TBC1D9B: variants seen among roughly 807,000 people sequenced by gnomAD.
TBC1D9B encodes the protein TBC1 domain family, member 9B (with GRAM domain).
A neutral mutation model predicts 121.1 loss-of-function variants in TBC1D9B; 87 were observed. The ratio of observed to expected loss-of-function variants is 0.72; its 90% CI spans 0.60 to 0.86. The LOEUF (loss-of-function observed/expected upper bound fraction) is 0.86, where lower values mean the gene tolerates loss of function less well. TBC1D9B is among the 40% of genes least tolerant of loss of function. TBC1D9B has a pLI of 0.00. For synonymous variants in TBC1D9B, 668 were observed against 670.1 expected (o/e 1.00, Z 0.05); for missense variants, 1,540 against 1,628.6 (o/e 0.95, Z 0.94).
In TBC1D9B at chr5:179,879,805, G is replaced by A. The variant is rs371232640; in HGVS notation, c.1255-16C>T. 1.2e-6 allele frequency: 2 copies of A among 1,600,468 alleles called. No homozygotes were observed. Among genetic ancestry groups the A allele is most frequent in the African/African-American group, 1.3e-5 (1 of 74,568 alleles). ...CTGGGGAAGACTAGAAAATAAAACA[G>A]GGAAGGGGACGCCCTAACAACTGTG... On this transcript the variant is annotated splice_polypyrimidine_tract_variant and intron_variant, in intron 7 of 20. Transcript: ENST00000355235.
chr5:179,893,180 G>T, intron 5 of TBC1D9B, 29 bp downstream of exon 5: 1 of 1,574,984 alleles, frequency 6.3e-7, no homozygotes. Context: ...GCTCACATGA[G>T]CCCACCCCAG....
rs781613172 is a variant in TBC1D9B, at chr5:179,876,026, G to A, written c.1794C>T (p.Ile598=). 15 of 1,612,366 alleles carry A rather than the reference G, an allele frequency of 9.3e-6. No homozygotes were observed. Among genetic ancestry groups the A allele is most frequent in the South Asian group, 5.5e-5 (5 of 90,752 alleles). Residue 598 remains isoleucine, a synonymous_variant, in exon 11 of 21, where the codon ATC becomes ATT. Transcript: ENST00000355235. ...CATAGAGCAGGAGCACCGAGGTCAC[G>A]ATGTTCATTGCCTGCCGGGCACAGA... ...PTIGYCQAMN[I]VTSVLLLYGS...
rs772582231 is a variant in TBC1D9B at position 179,875,157 on chromosome 5, T to G, written c.1931A>C (p.Glu644Ala). 6.2e-7 allele frequency: 1 copy of G among 1,613,628 alleles called. No homozygotes were observed. The highest frequency in any genetic ancestry group is 1.1e-5 in the South Asian group (1 of 91,080). ...CTGCGGCAGGAAGTCTCTCGTGAGC[T>G]CTTCGAAGATGCCTTGGTCCACCAG... ...GALVDQGIFEELTRDFLPQLS... is the reference protein window; with the variant it reads ...GALVDQGIFEALTRDFLPQLS... Residue 644 changes from glutamate to alanine, a missense_variant, in exon 12 of 21, where the codon GAG becomes GCG. Glu to Ala is a moderately radical substitution (Grantham distance 107, BLOSUM62 -1). Coordinates refer to ENST00000355235, the MANE Select transcript of TBC1D9B (RefSeq NM_015043.4). The surrounding 1 kb of genome is among the most constrained non-coding windows in gnomAD (Gnocchi z 4.5).
chr5:179,888,519 C>T (rs1173560930), intron 6 of TBC1D9B, among the ~76,000 whole-genome samples: 3 of 152,140 alleles, frequency 2.0e-5, no homozygotes, highest in African/African-American at 4.8e-5. Flanking sequence ...TTTTTCCTGT[C>T]GATGGCGGGG....
At position 179,904,185 on chromosome 5, in the gene TBC1D9B, C is replaced by T. The variant is rs933081434; in HGVS notation, c.229+517G>A. Among the ~76,000 whole-genome samples, 2 of 151,140 alleles carry T rather than the reference C, an allele frequency of 1.3e-5. No homozygotes were observed. The highest frequency in any genetic ancestry group is 4.9e-5 in the African/African-American group (2 of 40,944). On this transcript the variant is annotated intron_variant, in intron 2 of 20. Transcript: ENST00000355235. The surrounding 1 kb of genome is among the most constrained non-coding windows in gnomAD (Gnocchi z 4.2). Reference sequence around the variant, plus strand: ...GTACATGGGGATCCATGGGGCTGTCCTCTCCTGCCCTGTCCCCATGACCAG... The same window carrying T: ...GTACATGGGGATCCATGGGGCTGTCTTCTCCTGCCCTGTCCCCATGACCAG...
intron 7 of TBC1D9B, chr5:179,879,993 G>A (rs1333162676): frequency 2.5e-5 from 16 of 629,506 alleles, no homozygotes; most frequent in Admixed American, 2.1e-4. Context: ...GCTGGACACC[G>A]AGTCCTCAGT....
chr5:179,886,897 T>C (rs1040376810), intron 7 of TBC1D9B, among the ~76,000 whole-genome samples: 3 of 152,228 alleles, frequency 2.0e-5, no homozygotes, highest in Non-Finnish European at 4.4e-5. Context: ...CCAGGGACTC[T>C]CAGGGCTAGA....
chr5:179,869,856 G>GCTGGGT (rs1484166821), intron 16 of TBC1D9B, 22 bp from the exon 17 acceptor site: 1 of 1,532,572 alleles, frequency 6.5e-7, no homozygotes, highest in Middle Eastern at 1.8e-4. Context: ...GCCAGGGAGG[G>GCTGGGT]CTGGGTCTGG....
chr5:179,899,590 C>T (rs1761113624), intron 2 of TBC1D9B, among the ~76,000 whole-genome samples: 1 of 152,208 alleles, frequency 6.6e-6, no homozygotes, highest in Admixed American at 6.5e-5. Flanking sequence ...CACTAAGTCT[C>T]CTATGTGTCC....
intron 7 of TBC1D9B, 31 bp from the exon 8 acceptor site, chr5:179,879,820 T>C: frequency 6.3e-7 from 1 of 1,577,084 alleles, no homozygotes; most frequent in Non-Finnish European, 8.6e-7. Context: ...GGGGACGCCC[T>C]AACAACTGTG....
rs1761366862 is a variant in TBC1D9B, at chr5:179,907,773, T to A, written c.49A>T (p.Thr17Ser). 1 of 1,229,218 alleles carries A rather than the reference T, an allele frequency of 8.1e-7. No individual in the cohort carries two copies. Among genetic ancestry groups the A allele is most frequent in the Non-Finnish European group, 1.0e-6 (1 of 957,398 alleles). The allele number at this position is 1,229,218 out of a possible 1,614,324, so 76.1% of individuals were successfully genotyped here. A position where few individuals can be genotyped will look rare whatever the true frequency, so the allele number is the denominator to read the frequency against. The change falls in exon 1 of 21, where the codon ACG becomes TCG. Residue 17 changes from threonine to serine, a missense_variant. By Grantham distance (58) the Thr-to-Ser change is moderately conservative. Transcript: ENST00000355235. This position sits in a 1 kb window ranked among gnomAD's most constrained non-coding sequence, Gnocchi z 5.3. ...ACGAAGAAGGGGTTGGCCCGCTCCG[T>A]CACCCACAGCGCATTGGCCACCAGC... ...EVLVANALWV[T>S]ERANPFFVLQ...
At chr5:179,867,925 T>C in intron 17 of TBC1D9B, 76 bp from the exon 18 acceptor site, 1 of 1,400,992 alleles carries the variant, frequency 7.1e-7, no homozygotes, top group Admixed American at 2.7e-5. Context: ...CCTCCAGCCC[T>C]GGGCAGAGCC....
At chr5:179,888,374 T>C in intron 6 of TBC1D9B, 62 bp from the exon 7 acceptor site, 1 of 1,519,294 alleles carries the variant, frequency 6.6e-7, no homozygotes, top group African/African-American at 1.4e-5. Flanking sequence ...TGGGCATGCT[T>C]TGTGAATGGC....
Position 179,891,364 on chromosome 5 carries a change from C to G in TBC1D9B, c.1044+15G>C, listed in dbSNP as rs457072. Reference sequence around the variant, plus strand: ...GGCTGGAAAGGCCTTGGCCTCTCAACTAGGGGATGCTGACCTCCCTCAGGG... The same window carrying G: ...GGCTGGAAAGGCCTTGGCCTCTCAAGTAGGGGATGCTGACCTCCCTCAGGG... On this transcript the variant is annotated intron_variant, in intron 6 of 20. Coordinates refer to ENST00000355235, the MANE Select transcript of TBC1D9B (RefSeq NM_015043.4). This position sits in a 1 kb window ranked among gnomAD's most constrained non-coding sequence, Gnocchi z 4.3. 6.2e-7 allele frequency: 1 copy of G among 1,614,128 alleles called. No homozygotes were observed. The highest frequency in any genetic ancestry group is 8.5e-7 in the Non-Finnish European group (1 of 1,179,990).
rs377383315 is a variant in TBC1D9B at position 179,891,628 on chromosome 5, G to A, written c.837-42C>T. The A allele has an allele frequency of 8.7e-6, 14 of 1,600,774 alleles. No individual in the cohort carries two copies. The African/African-American group carries it at 1.7e-4, about 20-fold the overall frequency. On this transcript the variant is annotated intron_variant, in intron 5 of 20. Coordinates refer to ENST00000355235, the MANE Select transcript of TBC1D9B (RefSeq NM_015043.4). The surrounding 1 kb of genome is among the most constrained non-coding windows in gnomAD (Gnocchi z 4.3). ...GGAGGACAGGAGGAAAGGGGACAAG[G>A]TCAGGACCAGCACACTCTCAAGGAA...
At position 179,879,653 on chromosome 5, in the gene TBC1D9B, G is replaced by T; in HGVS notation, c.1391C>A (p.Pro464His). The change falls in exon 8 of 21, where the codon CCC becomes CAC. Residue 464 changes from proline (P) to histidine (H), a missense_variant. Transcript: ENST00000355235. ...GLLKLFQKNS[P>H]MEDLGAKGAK... ...CCCCTTGGCTCCAAGGTCCTCCATG[G>T]GCGAGTTTTTCTGGAAGAGCTTCAG... 6.2e-7 allele frequency: 1 copy of T among 1,614,086 alleles called. No homozygotes were observed. Among genetic ancestry groups the T allele is most frequent in the Non-Finnish European group, 8.5e-7 (1 of 1,179,974 alleles).
intron 7 of TBC1D9B, among the ~76,000 whole-genome samples, chr5:179,884,110 C>T (rs1009097310): frequency 2.6e-5 from 4 of 152,154 alleles, no homozygotes; most frequent in African/African-American, 9.7e-5. Context: ...CTTTCCTCAG[C>T]CGTATAATAC....
chr5:179,871,227 A>G (rs1280567834), intron 15 of TBC1D9B, among the ~76,000 whole-genome samples: 1 of 152,158 alleles, frequency 6.6e-6, no homozygotes, highest in East Asian at 1.9e-4. Flanking sequence ...GTGTAAGATG[A>G]CTTGAATGGA....
At chr5:179,892,785 C>T (rs1180581149) in intron 5 of TBC1D9B, among the ~76,000 whole-genome samples, 2 of 152,176 alleles carry the variant, frequency 1.3e-5, no homozygotes, top group Non-Finnish European at 2.9e-5. Context: ...TGCACTTGAG[C>T]CCAGATTTAC....
Sources: allele counts gnomAD v4.1 joint callset (sites outside exome capture counted in the v4.1 genomes callset), GRCh38; gene constraint gnomAD v4.1.1; non-coding constraint Gnocchi (gnomAD v3.1); transcripts MANE v1.5; gene names NCBI Gene and HGNC (gene_info 2026-07-23, HGNC 2026-07-21).